Variants in WASHC4 observed in about 807,000 individuals in gnomAD.
WASHC4 encodes the protein WASH complex subunit 7.
A neutral mutation model predicts 166.6 loss-of-function variants in WASHC4; 86 were observed. That is an observed-to-expected ratio of 0.52 (90% CI 0.43 to 0.62). The LOEUF (loss-of-function observed/expected upper bound fraction) is 0.62. WASHC4 is among the 20% of genes least tolerant of loss of function. WASHC4 has a pLI of 0.00. For missense variants in WASHC4, 1,262 were observed against 1,382.4 expected, an observed-to-expected ratio of 0.91 and a Z score of 1.38; for synonymous variants, 446 against 451.6, an observed-to-expected ratio of 0.99 and a Z score of 0.16.
At chr12:105,108,130 G>A (rs951169508) in intron 1 of WASHC4, among the ~76,000 whole-genome samples, 17 of 152,174 alleles carry the variant, frequency 1.1e-4, no homozygotes, top group African/African-American at 2.9e-4. Context: ...GGGGAGCGGC[G>A]TCCCCCTTCA....
intron 6 of WASHC4, among the ~76,000 whole-genome samples, chr12:105,117,947 A>G (rs1411789089): frequency 6.6e-6 from 1 of 152,198 alleles, no homozygotes; most frequent in Non-Finnish European, 1.5e-5. Context: ...AAGCCTGCTT[A>G]TACATACGAT....
intron 26 of WASHC4, among the ~76,000 whole-genome samples, chr12:105,153,969 A>G (rs1566025838): frequency 1.3e-5 from 2 of 151,944 alleles, no homozygotes; most frequent in African/African-American, 2.4e-5. Context: ...CAATTGGGGA[A>G]TATTATCCTT....
chr12:105,113,817 C>A (rs554110640), intron 2 of WASHC4, among the ~76,000 whole-genome samples: 70 of 152,066 alleles, frequency 4.6e-4, no homozygotes, highest in African/African-American at 1.7e-3. Flanking sequence ...TTGTTTCATT[C>A]TTAATTTATT....
At chr12:105,118,793 A>G (rs1442053583) in intron 7 of WASHC4, among the ~76,000 whole-genome samples, 1 of 152,194 alleles carries the variant, frequency 6.6e-6, no homozygotes, top group Non-Finnish European at 1.5e-5. Flanking sequence ...CTAACATGGA[A>G]TTAGTACATG....
intron 26 of WASHC4, chr12:105,155,248 G>A (rs1884048258): frequency 6.6e-6 from 1 of 152,318 alleles, no homozygotes; most frequent in African/African-American, 2.4e-5. Flanking sequence ...GATGTAAGGG[G>A]GCTGGGCAGT....
intron 21 of WASHC4, 130 bp from the exon 22 acceptor site, chr12:105,144,588 C>A (rs1883142149): frequency 1.7e-6 from 2 of 1,144,284 alleles, no homozygotes; most frequent in Non-Finnish European, 1.2e-6. Context: ...TTTCTTTTCT[C>A]ATTTTTATTA....
chr12:105,161,141 T>A (rs1884470996), intron 29 of WASHC4, among the ~76,000 whole-genome samples: 1 of 152,200 alleles, frequency 6.6e-6, no homozygotes, highest in Non-Finnish European at 1.5e-5. Flanking sequence ...AGCTCTTTAT[T>A]ATATTTAATT....
chr12:105,140,169 A>C (rs1882706994), intron 15 of WASHC4, 125 bp from the exon 16 acceptor site: 2 of 744,562 alleles, frequency 2.7e-6, no homozygotes, highest in Non-Finnish European at 2.4e-6. Flanking sequence ...CCACGCCAGG[A>C]CTGTAAGGTT....
rs2135851591 is a variant in WASHC4 at position 105,167,050 on chromosome 12, T to A, written c.*119T>A. The A allele has an allele frequency of 1.3e-6, 1 of 742,608 alleles. No homozygotes were observed. The highest frequency in any genetic ancestry group is 1.4e-5 in the South Asian group (1 of 70,022). The allele number at this position is 742,608 out of a possible 1,614,324, so 46.0% of individuals were successfully genotyped here. A position where few individuals can be genotyped will look rare whatever the true frequency, so the allele number is the denominator to read the frequency against. On this transcript the variant is annotated 3_prime_UTR_variant, in exon 33 of 33. Coordinates refer to ENST00000332180, the MANE Select transcript of WASHC4 (RefSeq NM_015275.3). ...GGGTCACATCTCTGGAAAATAGATG[T>A]TACAGTTCTTAAAGGCAGTGCTTTA... is the stretch of plus-strand genomic sequence containing the variant.
At position 105,164,224 on chromosome 12, in the gene WASHC4, C is replaced by T. The variant is rs770443220; in HGVS notation, c.3271C>T (p.Gln1091Ter). The change falls in exon 31 of 33, where the codon CAG becomes TAG. Residue 1091 changes from glutamine (Q) to a stop codon, truncating the protein, a stop_gained. Transcript: ENST00000332180. LOFTEE classifies it high-confidence loss of function. ...LKEIRAVAKQ[Q>*]NVQSASQDEK... ...GGAGATAAGAGCAGTTGCTAAGCAA[C>T]AGAATGTACAGTCAGCCAGTCAAGA... 1 of 1,614,044 alleles carries T rather than the reference C, an allele frequency of 6.2e-7. No homozygotes were observed. The highest frequency in any genetic ancestry group is 1.7e-5 in the Admixed American group (1 of 60,024).
In WASHC4 at chr12:105,108,355, C is replaced by G. The variant is rs542131603; in HGVS notation, c.61+494C>G. Among the ~76,000 whole-genome samples the G allele has an allele frequency of 4.6e-5, 7 of 152,348 alleles. 1 individual carries two copies. The South Asian group carries it at 1.4e-3, about 32-fold the overall frequency. ...TTTGGGTGTCTTTCCCATCGCGTTG[C>G]TATAACCGTAGAAGGGAGCGAAAAA... On this transcript the variant is annotated intron_variant, in intron 1 of 32. Coordinates refer to ENST00000332180, the MANE Select transcript of WASHC4 (RefSeq NM_015275.3).
intron 13 of WASHC4, among the ~76,000 whole-genome samples, chr12:105,129,917 C>G (rs1027682288): frequency 6.6e-6 from 1 of 152,164 alleles, no homozygotes; most frequent in Admixed American, 6.5e-5. Flanking sequence ...CATGTAACAG[C>G]CTTCCGGCAG....
chr12:105,108,794 C>T (rs772060266), intron 1 of WASHC4, among the ~76,000 whole-genome samples: 1 of 151,892 alleles, frequency 6.6e-6, no homozygotes, highest in Non-Finnish European at 1.5e-5. Flanking sequence ...TTAAAAATTC[C>T]GGATGAATTT....
intron 22 of WASHC4, among the ~76,000 whole-genome samples, chr12:105,145,506 A>T (rs920871510): frequency 6.6e-6 from 1 of 151,968 alleles, no homozygotes; most frequent in African/African-American, 2.4e-5. Context: ...GCATGTAGGG[A>T]TTATTTCTAG....
At chr12:105,156,901 T>C in intron 27 of WASHC4, 109 bp downstream of exon 27, 1 of 874,530 alleles carries the variant, frequency 1.1e-6, no homozygotes, top group Non-Finnish European at 1.9e-6. Context: ...TCTTGATATA[T>C]TTTGAGATAA....
chr12:105,164,041 A>G (rs1259376320), intron 30 of WASHC4, 70 bp from the exon 31 acceptor site: 1 of 1,333,592 alleles, frequency 7.5e-7, no homozygotes, highest in African/African-American at 1.4e-5. Flanking sequence ...GTTGGGAATT[A>G]TTGGTGAAGG....
chr12:105,140,798 C>T, intron 16 of WASHC4, 101 bp from the exon 17 acceptor site: 1 of 1,157,896 alleles, frequency 8.6e-7, no homozygotes, highest in Non-Finnish European at 1.3e-6. Context: ...TTTGTGTATG[C>T]TCTCTTAAAT....
Position 105,156,776 on chromosome 12 carries a change from A to C in WASHC4, c.2809A>C (p.Ser937Arg). ...RMIRSGGLHC[S>R]SNAIRFVPDL... ...GATAAGATCTGGTGGTCTTCATTGT[A>C]GCAGCAATGCCATTAGGTATGGATG... Residue 937 changes from serine to arginine, a missense_variant, in exon 27 of 33, where the codon AGC becomes CGC. Coordinates refer to ENST00000332180, the MANE Select transcript of WASHC4 (RefSeq NM_015275.3). The C allele has an allele frequency of 6.2e-7, 1 of 1,612,040 alleles. No individual in the cohort carries two copies. Among genetic ancestry groups the C allele is most frequent in the Non-Finnish European group, 8.5e-7 (1 of 1,178,524 alleles).
chr12:105,167,001 T>A lies in WASHC4; in HGVS notation c.*70T>A. On this transcript the variant is annotated 3_prime_UTR_variant, in exon 33 of 33. Coordinates refer to ENST00000332180, the MANE Select transcript of WASHC4 (RefSeq NM_015275.3). The stretch of plus-strand genomic sequence containing the variant: ...TTAAAACTTTTGCCAGTGGAATGGA[T>A]AAACTATTGATGAATTGTTTCCTGG... 1 of 994,916 alleles carries A rather than the reference T, an allele frequency of 1.0e-6. No individual in the cohort carries two copies. The highest frequency in any genetic ancestry group is 1.6e-6 in the Non-Finnish European group (1 of 626,414). The allele number at this position is 994,916 out of a possible 1,614,324, so 61.6% of individuals were successfully genotyped here. A position where few individuals can be genotyped will look rare whatever the true frequency, so the allele number is the denominator to read the frequency against.
Sources: allele counts gnomAD v4.1 joint callset (sites outside exome capture counted in the v4.1 genomes callset), GRCh38; gene constraint gnomAD v4.1.1; transcripts MANE v1.5; gene names NCBI Gene and HGNC (gene_info 2026-07-23, HGNC 2026-07-21).